NAV2: variants seen among roughly 807,000 people sequenced by gnomAD.
NAV2 encodes neuron navigator 2.
NAV2 carries 54 observed loss-of-function variants against 223.2 expected under a neutral mutation model. The ratio of observed to expected loss-of-function variants is 0.24; its 90% CI spans 0.19 to 0.30. The LOEUF (loss-of-function observed/expected upper bound fraction) is 0.30, where lower values mean the gene tolerates loss of function less well. Ranked by LOEUF, NAV2 falls within the 10% of genes least tolerant of loss-of-function variation. NAV2 has a pLI of 1.00. For synonymous variants in NAV2, 1,279 were observed against 1,239.3 expected, an observed-to-expected ratio of 1.03 and a Z score of -0.67; for missense variants, 2,806 against 3,147.5, an observed-to-expected ratio of 0.89 and a Z score of 2.60.
At chr11:19,364,480 C>T (rs1373398047) in intron 1 of NAV2, among the ~76,000 whole-genome samples, 2 of 152,304 alleles carry the variant, frequency 1.3e-5, no homozygotes, top group East Asian at 3.9e-4. Context: ...GCTTGGTGTT[C>T]TGAAAGCAGC....
intron 1 of NAV2, among the ~76,000 whole-genome samples, chr11:19,478,664 A>G (rs918424477): frequency 6.6e-6 from 1 of 152,204 alleles, no homozygotes; most frequent in African/African-American, 2.4e-5. Flanking sequence ...GCCTTGACCA[A>G]CCAAGACAAA....
At chr11:19,389,264 G>A (rs115654147) in intron 1 of NAV2, among the ~76,000 whole-genome samples, 1,907 of 152,360 alleles carry the variant, frequency 0.013, 45 homozygotes, top group African/African-American at 0.044. Flanking sequence ...TAGCTACTAT[G>A]CACAAGACAG....
intron 1 of NAV2, among the ~76,000 whole-genome samples, chr11:19,770,461 C>T (rs1485576829): frequency 1.3e-5 from 2 of 151,962 alleles, no homozygotes; most frequent in Non-Finnish European, 2.9e-5. Flanking sequence ...CCAAAGATTG[C>T]ACAATTTCAA....
In NAV2 at chr11:19,562,498, AT is replaced by A. The variant is rs199873266; in HGVS notation, c.75+211480del. ...TCACTTAATGTTTTTGACTCTTCATATTTTTTTTTCAGTTTCAAGTTTTGAC... is the reference window on the plus strand; with the variant it reads ...TCACTTAATGTTTTTGACTCTTCATATTTTTTTTCAGTTTCAAGTTTTGAC... On this transcript the variant is annotated intron_variant, in intron 1 of 37. Coordinates refer to the NAV2 transcript ENST00000360655. Among the ~76,000 whole-genome samples, 5 of 151,266 alleles carry A rather than the reference AT, an allele frequency of 3.3e-5. No individual in the cohort carries two copies. The South Asian group carries it at 8.4e-4, about 25-fold the overall frequency.
At chr11:19,944,617 CTTTT>C (rs746192223) in intron 8 of NAV2, among the ~76,000 whole-genome samples, 70 of 130,144 alleles carry the variant, frequency 5.4e-4, no homozygotes, top group Admixed American at 1.4e-3. Flanking sequence ...TTTCTTCTTT[CTTTT>C]TCTTTTTTCT....
chr11:19,855,359 A>G (rs944966585), intron 3 of NAV2, among the ~76,000 whole-genome samples: 7 of 152,094 alleles, frequency 4.6e-5, no homozygotes, highest in African/African-American at 1.7e-4. Flanking sequence ...AGAAATCCAC[A>G]ATTCCCTAGA....
At chr11:19,636,880 G>A (rs1035350046) in intron 1 of NAV2, among the ~76,000 whole-genome samples, 1 of 152,166 alleles carries the variant, frequency 6.6e-6, no homozygotes, top group Non-Finnish European at 1.5e-5. Flanking sequence ...AATCCAGCTG[G>A]TGTAGAGCCA....
At chr11:19,929,439 A>T (rs2045112976) in intron 6 of NAV2, among the ~76,000 whole-genome samples, 1 of 152,138 alleles carries the variant, frequency 6.6e-6, no homozygotes. Flanking sequence ...ACATGAGTGT[A>T]GAATGTTGAT....
intron 1 of NAV2, among the ~76,000 whole-genome samples, chr11:19,475,522 G>A (rs2042088128): frequency 6.6e-6 from 1 of 152,122 alleles, no homozygotes; most frequent in Admixed American, 6.5e-5. Flanking sequence ...ATTACAGGCT[G>A]GTATCACATT....
intron 1 of NAV2, among the ~76,000 whole-genome samples, chr11:19,446,234 T>C (rs1851577437): frequency 6.6e-6 from 1 of 152,164 alleles, no homozygotes; most frequent in African/African-American, 2.4e-5. Context: ...AAGCACAGGA[T>C]CAGGGATCTT....
chr11:19,847,497 G>A (rs11025289), intron 3 of NAV2, among the ~76,000 whole-genome samples: 26,809 of 152,114 alleles, frequency 0.18, 3,380 homozygotes, highest in African/African-American at 0.36. Context: ...GCATCTAGAC[G>A]GAGGGCCAGC....
At position 20,095,741 on chromosome 11, in the gene NAV2, G is replaced by A. The variant is rs1240265876; in HGVS notation, c.5986G>A (p.Asp1996Asn). The A allele has an allele frequency of 6.2e-7, 1 of 1,614,078 alleles. No individual in the cohort carries two copies. Among genetic ancestry groups the A allele is most frequent in the South Asian group, 1.1e-5 (1 of 91,080 alleles). The change falls in exon 30 of 38, where the codon GAT (aspartate) becomes AAT (asparagine). Residue 1996 changes from aspartate to asparagine, a missense_variant. Around this residue, in one of 4 missense-constraint regions of NAV2, gnomAD observed 824 missense variants for 1,069.4 expected, o/e 0.77. Transcript: ENST00000349880. ...TGGCAAGACGAAGTGGGATGTGCTCGATGGGGTGGTTAGACGGCTGTTCAA... is the reference window on the plus strand; with the variant it reads ...TGGCAAGACGAAGTGGGATGTGCTCAATGGGGTGGTTAGACGGCTGTTCAA... ...VSGKTKWDVL[D>N]GVVRRLFKEY...
At chr11:20,054,487 T>C (rs2030082204) in intron 18 of NAV2, among the ~76,000 whole-genome samples, 1 of 152,162 alleles carries the variant, frequency 6.6e-6, no homozygotes, top group African/African-American at 2.4e-5. Flanking sequence ...ATAGATCGAT[T>C]ACAGGGGATT....
In NAV2 at chr11:19,873,630, A is replaced by T. The variant is rs763531809; in HGVS notation, c.511+4633A>T. Among the ~76,000 whole-genome samples the T allele has an allele frequency of 4.6e-5, 7 of 152,016 alleles. No individual in the cohort carries two copies. The South Asian group carries it at 1.2e-3, about 27-fold the overall frequency. The stretch of plus-strand genomic sequence containing the variant: ...AGGTACTGAGTTTTCTCCTCCTTTC[A>T]TCCCAAGCTAGAAAGCAGGAGGTCT... On this transcript the variant is annotated intron_variant, in intron 4 of 37. Transcript: ENST00000349880.
intron 3 of NAV2, among the ~76,000 whole-genome samples, chr11:19,864,074 G>A (rs2061950399): frequency 6.6e-6 from 1 of 152,168 alleles, no homozygotes; most frequent in Non-Finnish European, 1.5e-5. Flanking sequence ...AGCCTTGCCT[G>A]GGGTCTAAAG....
chr11:19,769,520 G>C lies in NAV2; in HGVS notation c.267+55558G>C, dbSNP rs191815557. Among the ~76,000 whole-genome samples, 3 of 152,238 alleles carry C rather than the reference G, an allele frequency of 2.0e-5. No individual in the cohort carries two copies. The East Asian group carries it at 5.8e-4, about 29-fold the overall frequency. ...GTTTCCTCCCTCAACTCATGTTTGT[G>C]GACCAGACCCAGAGTGCCAGCATCC... On this transcript the variant is annotated intron_variant, in intron 1 of 37. Transcript: ENST00000349880.
intron 3 of NAV2, among the ~76,000 whole-genome samples, chr11:19,847,818 G>A (rs933338182): frequency 1.6e-4 from 24 of 152,206 alleles, no homozygotes; most frequent in African/African-American, 5.8e-4. Context: ...CCTTTGATGC[G>A]GGTGATCTTA....
chr11:19,914,561 G>A (rs7123130), intron 6 of NAV2, among the ~76,000 whole-genome samples: 3,405 of 146,972 alleles, frequency 0.023, 129 homozygotes, highest in African/African-American at 0.078. Context: ...TTTTTGAGAC[G>A]GAGTCTCGCT....
At chr11:19,527,449 C>A (rs1044259647) in intron 1 of NAV2, among the ~76,000 whole-genome samples, 2 of 152,070 alleles carry the variant, frequency 1.3e-5, no homozygotes, top group Non-Finnish European at 2.9e-5. Context: ...TTCTCTCTCT[C>A]CATCTTTCAT....
Sources: gnomAD v4.1 joint callset for allele counts (sites outside exome capture counted in the v4.1 genomes callset) on GRCh38, gnomAD v4.1.1 for gene constraint, gnomAD v4.1.1 regional missense constraint, MANE v1.5 for transcripts, NCBI Gene and HGNC (gene_info 2026-07-23, HGNC 2026-07-21) for gene names.